TCF7L2: variants seen among roughly 807,000 people sequenced by gnomAD.
TCF7L2 encodes the protein transcription factor 7 like 2.
In TCF7L2, 23 loss-of-function variants were observed where a neutral mutation model predicts 77.9. That is an observed-to-expected ratio of 0.30 (90% confidence interval 0.21 to 0.42). The LOEUF is 0.42. Among genes scored for constraint, TCF7L2 ranks in the 10% least tolerant of loss-of-function variants. The probability of loss-of-function intolerance (pLI) is 1.00; values close to 1 mark genes in which losing one functional copy is unlikely to be tolerated. For missense variants in TCF7L2, 654 were observed against 793.1 expected (o/e 0.82, Z 2.11); for synonymous variants, 413 against 340.2 (o/e 1.21, Z -2.36).
chr10:113,045,220 G>A (rs577932879), intron 5 of TCF7L2, among the ~76,000 whole-genome samples: 8 of 152,288 alleles, frequency 5.3e-5, no homozygotes, highest in African/African-American at 1.9e-4. Flanking sequence ...AGTCAATGAA[G>A]AACGATAACA....
At chr10:113,044,481 C>T (rs796661018) in intron 5 of TCF7L2, among the ~76,000 whole-genome samples, 3 of 152,290 alleles carry the variant, frequency 2.0e-5, no homozygotes, top group Admixed American at 6.5e-5. Flanking sequence ...CTTGCTGGGA[C>T]GTGGCATGTG....
intron 5 of TCF7L2, among the ~76,000 whole-genome samples, chr10:113,102,142 A>G (rs1005920052): frequency 1.9e-4 from 24 of 128,274 alleles, no homozygotes; most frequent in Non-Finnish European, 3.6e-4. Context: ...AAAAAAAAAA[A>G]GTGAGAAAGA....
intron 5 of TCF7L2, among the ~76,000 whole-genome samples, chr10:113,117,988 A>G (rs1476131160): frequency 7.9e-6 from 1 of 126,712 alleles, no homozygotes; most frequent in Non-Finnish European, 1.6e-5. Flanking sequence ...CCATAAATAA[A>G]TAATAAAATA....
At chr10:113,146,355 G>A (rs985810039) in intron 8 of TCF7L2, among the ~76,000 whole-genome samples, 2 of 152,204 alleles carry the variant, frequency 1.3e-5, no homozygotes, top group African/African-American at 4.8e-5. Context: ...AGGTAAGGGA[G>A]AAACAGGACA....
At chr10:112,992,324 A>C (rs1318597531) in intron 4 of TCF7L2, among the ~76,000 whole-genome samples, 1 of 152,102 alleles carries the variant, frequency 6.6e-6, no homozygotes, top group African/African-American at 2.4e-5. Context: ...TCCATTCCGC[A>C]CGCCACCCTC....
intron 4 of TCF7L2, among the ~76,000 whole-genome samples, chr10:113,018,428 G>T (rs1024543630): frequency 6.7e-6 from 1 of 148,178 alleles, no homozygotes; most frequent in Admixed American, 6.7e-5. Flanking sequence ...GGTCCTTGCA[G>T]GCTTTCTCCT....
chr10:113,083,695 G>C (rs556651663), intron 5 of TCF7L2, among the ~76,000 whole-genome samples: 1 of 152,174 alleles, frequency 6.6e-6, no homozygotes, highest in African/African-American at 2.4e-5. Flanking sequence ...TGGCATCCTT[G>C]TGTGTGAATA....
intron 3 of TCF7L2, among the ~76,000 whole-genome samples, chr10:112,962,540 A>T (rs1161555493): frequency 6.6e-6 from 1 of 152,120 alleles, no homozygotes; most frequent in Non-Finnish European, 1.5e-5. Flanking sequence ...CACAAAGGAG[A>T]TAGGGACAAA....
chr10:113,090,784 A>G (rs555980794), intron 5 of TCF7L2, among the ~76,000 whole-genome samples: 11 of 151,656 alleles, frequency 7.3e-5, no homozygotes, highest in African/African-American at 2.2e-4. Flanking sequence ...AATTTTTTGT[A>G]TTTTTAGTAA....
intron 5 of TCF7L2, among the ~76,000 whole-genome samples, chr10:113,121,192 CA>C (rs1040330849): frequency 3.0e-4 from 45 of 152,230 alleles, no homozygotes; most frequent in Non-Finnish European, 1.9e-4. Flanking sequence ...ATACCTTTAC[CA>C]AAATTGTTAG....
At chr10:113,039,963 T>C in intron 4 of TCF7L2, 62 bp from the exon 5 acceptor site, 7 of 1,435,566 alleles carry the variant, frequency 4.9e-6, no homozygotes, top group South Asian at 1.2e-5. Flanking sequence ...CTTGGGCTAG[T>C]TGTTCTGCAT....
At chr10:113,116,970 A>G (rs1459490327) in intron 5 of TCF7L2, among the ~76,000 whole-genome samples, 1 of 152,216 alleles carries the variant, frequency 6.6e-6, no homozygotes, top group Non-Finnish European at 1.5e-5. Flanking sequence ...CACTGAAATC[A>G]TAGATGTACA....
chr10:113,052,822 A>G (rs2054694140), intron 5 of TCF7L2, among the ~76,000 whole-genome samples: 1 of 152,246 alleles, frequency 6.6e-6, no homozygotes, highest in Non-Finnish European at 1.5e-5. Flanking sequence ...AGTGAACTCT[A>G]CAGTTCTCTT....
At chr10:113,025,819 G>T (rs1311479920) in intron 4 of TCF7L2, among the ~76,000 whole-genome samples, 1 of 152,048 alleles carries the variant, frequency 6.6e-6, no homozygotes, top group African/African-American at 2.4e-5. Flanking sequence ...GAAGTACTAA[G>T]CCGCAGATTC....
chr10:113,103,648 G>T (rs145980656), intron 5 of TCF7L2, among the ~76,000 whole-genome samples: 70 of 152,144 alleles, frequency 4.6e-4, no homozygotes, highest in African/African-American at 1.6e-3. Flanking sequence ...TGATAGGAGG[G>T]GTTACAATGC....
In TCF7L2 at chr10:112,970,344, C is replaced by T. The variant is rs116169998; in HGVS notation, c.450+5720C>T. ...TTGCAAGTTCCCATCTGAGCTTTAC[C>T]AAAGCCTAACCTTCTGCTTGGTCTT... On this transcript the variant is annotated intron_variant, in intron 4 of 13. Transcript: ENST00000627217. Among the ~76,000 whole-genome samples, 587 of 151,716 alleles carry T rather than the reference C, an allele frequency of 3.9e-3. 4 individuals are homozygous for T. Among genetic ancestry groups the T allele is most frequent in the African/African-American group, 0.014 (568 of 41,414 alleles).
At chr10:113,003,945 G>A (rs944084275) in intron 4 of TCF7L2, among the ~76,000 whole-genome samples, 7 of 152,176 alleles carry the variant, frequency 4.6e-5, no homozygotes, top group Non-Finnish European at 1.0e-4. Context: ...AGAACCTGGC[G>A]AAACATACAC....
At chr10:113,089,679 G>A in intron 5 of TCF7L2, 3 of 1,166,210 alleles carry the variant, frequency 2.6e-6, no homozygotes, top group Non-Finnish European at 3.5e-6. Context: ...CATTTTGGGT[G>A]CCATGATGTC....
chr10:113,061,366 A>G (rs2056413322), intron 5 of TCF7L2, among the ~76,000 whole-genome samples: 2 of 152,206 alleles, frequency 1.3e-5, no homozygotes, highest in African/African-American at 4.8e-5. Flanking sequence ...AGATCTGCCT[A>G]TCCTTCACTT....
Sources: allele counts gnomAD v4.1 joint callset (sites outside exome capture counted in the v4.1 genomes callset), GRCh38; gene constraint gnomAD v4.1.1; transcripts MANE v1.5; gene names NCBI Gene and HGNC (gene_info 2026-07-23, HGNC 2026-07-21).